CACNA2D3: variants seen among roughly 807,000 people sequenced by gnomAD.
CACNA2D3 encodes voltage-dependent calcium channel subunit alpha-2/delta-3.
In CACNA2D3, 60 loss-of-function variants were observed where a neutral mutation model predicts 160.6. That is an observed-to-expected ratio of 0.37 (90% CI 0.30 to 0.46). The LOEUF (loss-of-function observed/expected upper bound fraction) is 0.46, where lower values mean the gene tolerates loss of function less well. Among genes scored for constraint, CACNA2D3 ranks in the 20% least tolerant of loss-of-function variants. The pLI, the probability that CACNA2D3 is intolerant of heterozygous loss-of-function variation, is 1.00. For synonymous variants in CACNA2D3, 558 were observed against 492.9 expected (o/e 1.13, Z -1.75); for missense variants, 1,205 against 1,365.0 (o/e 0.88, Z 1.85).
intron 2 of CACNA2D3, among the ~76,000 whole-genome samples, chr3:54,196,626 A>G (rs1227993141): frequency 6.6e-6 from 1 of 152,236 alleles, no homozygotes; most frequent in African/African-American, 2.4e-5. Context: ...GGGCTTTGTC[A>G]GTTTGCAAGT....
intron 2 of CACNA2D3, among the ~76,000 whole-genome samples, chr3:54,299,987 C>T (rs895050903): frequency 2.0e-5 from 3 of 152,224 alleles, no homozygotes; most frequent in Non-Finnish European, 4.4e-5. Flanking sequence ...CCTTCTCTCT[C>T]AGCATTTGCT....
At chr3:54,535,985 G>C (rs1273984346) in intron 5 of CACNA2D3, among the ~76,000 whole-genome samples, 1 of 152,176 alleles carries the variant, frequency 6.6e-6, no homozygotes, top group Non-Finnish European at 1.5e-5. Context: ...AAAATTAGAA[G>C]TTTCAACTTA....
chr3:54,692,076 C>T (rs1237881997), intron 11 of CACNA2D3, among the ~76,000 whole-genome samples: 1 of 152,078 alleles, frequency 6.6e-6, no homozygotes, highest in African/African-American at 2.4e-5. Flanking sequence ...TGGGTTCTAG[C>T]GATTCTCCCA....
intron 31 of CACNA2D3, among the ~76,000 whole-genome samples, chr3:54,996,138 C>T (rs894484229): frequency 3.3e-5 from 5 of 152,342 alleles, no homozygotes; most frequent in Admixed American, 3.3e-4. Flanking sequence ...CTGCCAAGTG[C>T]AGTACAGGCA....
At chr3:54,472,873 A>G (rs927498044) in intron 4 of CACNA2D3, among the ~76,000 whole-genome samples, 1 of 152,242 alleles carries the variant, frequency 6.6e-6, no homozygotes, top group Non-Finnish European at 1.5e-5. Context: ...ACCACTGCTC[A>G]AGGAAATAAA....
At chr3:54,708,665 GC>G (rs1245371963) in intron 11 of CACNA2D3, among the ~76,000 whole-genome samples, 1 of 152,188 alleles carries the variant, frequency 6.6e-6, no homozygotes, top group African/African-American at 2.4e-5. Flanking sequence ...AGAGGAGAAT[GC>G]TTTTGAATGC....
intron 13 of CACNA2D3, among the ~76,000 whole-genome samples, chr3:54,806,542 T>G (rs568053106): frequency 1.4e-4 from 21 of 151,570 alleles, no homozygotes; most frequent in Admixed American, 4.6e-4. Context: ...CACTGCTCAA[T>G]GAAATAAAAG....
chr3:54,868,782 G>A (rs1559610347), intron 17 of CACNA2D3, among the ~76,000 whole-genome samples: 1 of 152,076 alleles, frequency 6.6e-6, no homozygotes, highest in Admixed American at 6.5e-5. Context: ...ATTATTGAAT[G>A]GTCTTCTTCA....
At chr3:54,879,272 A>T (rs1433319117) in intron 19 of CACNA2D3, 78 bp from the exon 20 acceptor site, 4 of 1,118,570 alleles carry the variant, frequency 3.6e-6, no homozygotes, top group Middle Eastern at 2.3e-4. Context: ...ATTTATTTTT[A>T]TTTATTTCTG....
intron 4 of CACNA2D3, among the ~76,000 whole-genome samples, chr3:54,416,262 C>T (rs181348803): frequency 6.6e-6 from 1 of 152,290 alleles, no homozygotes; most frequent in African/African-American, 2.4e-5. Flanking sequence ...GCACACCTGC[C>T]CAAGATTATG....
intron 35 of CACNA2D3, among the ~76,000 whole-genome samples, chr3:55,044,424 T>C (rs1704030015): frequency 1.3e-5 from 2 of 152,330 alleles, no homozygotes; most frequent in Admixed American, 6.5e-5. Context: ...AGAAACATGA[T>C]TGATTTTTCT....
At chr3:54,366,050 G>T (rs1033273368) in intron 3 of CACNA2D3, among the ~76,000 whole-genome samples, 3 of 152,148 alleles carry the variant, frequency 2.0e-5, no homozygotes, top group African/African-American at 7.2e-5. Flanking sequence ...GGTCTGTTTT[G>T]CAGCTGATGT....
intron 4 of CACNA2D3, among the ~76,000 whole-genome samples, chr3:54,427,837 T>C (rs2106765436): frequency 6.6e-6 from 1 of 152,294 alleles, no homozygotes; most frequent in African/African-American, 2.4e-5. Flanking sequence ...TCCAGCTGCC[T>C]ACAAAGCCCT....
chr3:55,051,616 G>C (rs1013362403), intron 35 of CACNA2D3, among the ~76,000 whole-genome samples: 6 of 152,120 alleles, frequency 3.9e-5, no homozygotes, highest in Non-Finnish European at 7.3e-5. Flanking sequence ...GCCTCCTTGA[G>C]CTGTGGTGGG....
intron 2 of CACNA2D3, among the ~76,000 whole-genome samples, chr3:54,161,988 G>A (rs563874887): frequency 7.2e-5 from 11 of 152,298 alleles, no homozygotes; most frequent in African/African-American, 2.6e-4. Flanking sequence ...TATGGAGCCT[G>A]GTGAATCCTG....
chr3:55,053,974 CT>C (rs797013275), intron 35 of CACNA2D3, among the ~76,000 whole-genome samples: 1 of 151,562 alleles, frequency 6.6e-6, no homozygotes, highest in Middle Eastern at 3.4e-3. Flanking sequence ...TGTTCATCCT[CT>C]TTTTTTTCTG....
intron 25 of CACNA2D3, among the ~76,000 whole-genome samples, chr3:54,896,378 G>T (rs761737871): frequency 1.3e-5 from 2 of 152,158 alleles, no homozygotes; most frequent in Non-Finnish European, 2.9e-5. Context: ...TCTCCCAAGG[G>T]TATGAGTATA....
chr3:55,066,200 T>C (rs358066), intron 35 of CACNA2D3, among the ~76,000 whole-genome samples: 131,869 of 152,218 alleles, frequency 0.87, 57,299 homozygotes, highest in East Asian at 0.95. Flanking sequence ...AGTCACGTGC[T>C]CCATCCAGCC....
chr3:54,536,918 G>A (rs551442020), intron 5 of CACNA2D3, among the ~76,000 whole-genome samples: 78 of 152,308 alleles, frequency 5.1e-4, no homozygotes, highest in Non-Finnish European at 7.9e-4. Context: ...CTTGTGAAAG[G>A]TGGCTGTCTC....
Sources: gnomAD v4.1 joint callset for allele counts (sites outside exome capture counted in the v4.1 genomes callset) on GRCh38, gnomAD v4.1.1 for gene constraint, MANE v1.5 for transcripts, NCBI Gene and HGNC (gene_info 2026-07-23, HGNC 2026-07-21) for gene names.